Variants in ROBO2 observed in about 807,000 individuals in gnomAD.
ROBO2 encodes roundabout homolog 2.
ROBO2 carries 53 observed loss-of-function variants against 160.8 expected under a neutral mutation model. The observed-to-expected ratio is 0.33, with a 90% CI of 0.26 to 0.41. The LOEUF is 0.41. Ranked by LOEUF, ROBO2 falls within the 10% of genes least tolerant of loss-of-function variation. ROBO2 has a pLI of 1.00. For missense variants in ROBO2, 1,577 were observed against 1,722.4 expected, an observed-to-expected ratio of 0.92 and a Z score of 1.49; for synonymous variants, 664 against 611.7, an observed-to-expected ratio of 1.09 and a Z score of -1.26.
intron 2 of ROBO2, among the ~76,000 whole-genome samples, chr3:76,261,281 C>T (rs72630386): frequency 0.13 from 20,156 of 150,554 alleles, 2,121 homozygotes; most frequent in East Asian, 0.42. Context: ...TGGAAGAGAA[C>T]CTAGGGTACC....
At chr3:76,141,155 C>CTA (rs1204513972) in intron 2 of ROBO2, among the ~76,000 whole-genome samples, 172 of 24,972 alleles carry the variant, frequency 6.9e-3, no homozygotes, top group Non-Finnish European at 8.5e-3. Flanking sequence ...CTCTCTCTCT[C>CTA]TCTCTATATA....
chr3:77,096,456 T>C (rs1259526061), intron 1 of ROBO2, among the ~76,000 whole-genome samples: 1 of 151,684 alleles, frequency 6.6e-6, no homozygotes, highest in Non-Finnish European at 1.5e-5. Context: ...CTTTTTCTTT[T>C]TTTTTTTTTG....
At chr3:77,621,313 C>T (rs1405764490) in intron 22 of ROBO2, among the ~76,000 whole-genome samples, 1 of 152,070 alleles carries the variant, frequency 6.6e-6, no homozygotes, top group Non-Finnish European at 1.5e-5. Context: ...GTAATGCCAG[C>T]TACTTGGGAG....
chr3:76,849,531 A>C (rs553561379), intron 2 of ROBO2, among the ~76,000 whole-genome samples: 2 of 152,348 alleles, frequency 1.3e-5, no homozygotes, highest in East Asian at 3.9e-4. Flanking sequence ...TGATTCCAAC[A>C]TAAGCTATCT....
intron 2 of ROBO2, among the ~76,000 whole-genome samples, chr3:77,127,237 A>G (rs1217601627): frequency 6.6e-6 from 1 of 152,096 alleles, no homozygotes; most frequent in Non-Finnish European, 1.5e-5. Context: ...TTCAAATGTG[A>G]CAGTCCGGTG....
At chr3:76,651,996 G>A (rs1284490743) in intron 2 of ROBO2, among the ~76,000 whole-genome samples, 1 of 152,178 alleles carries the variant, frequency 6.6e-6, no homozygotes, top group Non-Finnish European at 1.5e-5. Flanking sequence ...AATGGAGGAT[G>A]TCGCTCCCTG....
chr3:77,267,073 C>T (rs2059170413), intron 2 of ROBO2, among the ~76,000 whole-genome samples: 1 of 152,098 alleles, frequency 6.6e-6, no homozygotes, highest in African/African-American at 2.4e-5. Flanking sequence ...TTCTCAGACT[C>T]ACAAAGCTTT....
chr3:76,761,481 G>A (rs2108377594), intron 2 of ROBO2, among the ~76,000 whole-genome samples: 2 of 151,798 alleles, frequency 1.3e-5, no homozygotes, highest in African/African-American at 4.8e-5. Context: ...TATATTATAT[G>A]ATTCTTTACC....
At chr3:77,078,678 A>G (rs1222707675) in intron 1 of ROBO2, among the ~76,000 whole-genome samples, 1 of 152,208 alleles carries the variant, frequency 6.6e-6, no homozygotes, top group Non-Finnish European at 1.5e-5. Flanking sequence ...TTCTAGTAGC[A>G]AATGTAAAAC....
chr3:77,361,797 T>C (rs1202668628), intron 2 of ROBO2, among the ~76,000 whole-genome samples: 1 of 152,154 alleles, frequency 6.6e-6, no homozygotes, highest in Non-Finnish European at 1.5e-5. Context: ...ATTCAGACTG[T>C]AGTATTATCT....
rs58555009 is a variant in ROBO2 at position 76,557,604 on chromosome 3, C to CTT, written c.110-540393_110-540392dup. On this transcript the variant is annotated intron_variant, in intron 2 of 26. Coordinates refer to the ROBO2 transcript ENST00000487694. The stretch of plus-strand genomic sequence containing the variant: ...TTATTTTTAAATTTATAAAGGGTGC[C>CTT]TTTTTTTTTTTTTTTTTTACTTTAA... 2.9e-3 allele frequency among the ~76,000 whole-genome samples: 382 copies of CTT among 130,350 alleles called. 1 individual carries two copies. The South Asian group carries it at 0.032, about 11-fold the overall frequency. 85.5% of individuals were successfully genotyped at this position (130,350 alleles called of 152,430 possible). A position where few individuals can be genotyped will look rare whatever the true frequency, so the allele number is the denominator to read the frequency against.
intron 2 of ROBO2, among the ~76,000 whole-genome samples, chr3:76,823,841 T>A (rs940393185): frequency 6.6e-6 from 1 of 152,156 alleles, no homozygotes; most frequent in South Asian, 2.1e-4. Context: ...ACATCTAAGT[T>A]GGATGGAGGC....
rs2067961911 is a variant in ROBO2, at chr3:76,058,904, G to C, written c.109+121302G>C. Among the ~76,000 whole-genome samples the C allele has an allele frequency of 6.1e-5, 9 of 148,568 alleles. No homozygotes were observed. In the South Asian group the frequency reaches 1.9e-3, roughly 32 times the overall value. On this transcript the variant is annotated intron_variant, in intron 2 of 26. Coordinates refer to the ROBO2 transcript ENST00000487694. Reference sequence around the variant, plus strand: ...TATGAGTGAGAACATGTGGTGTTTGGTTTTTTGTCTTTGCGATAGTTTGCT... The same window carrying C: ...TATGAGTGAGAACATGTGGTGTTTGCTTTTTTGTCTTTGCGATAGTTTGCT...
chr3:76,423,766 G>A (rs1488618504), intron 2 of ROBO2, among the ~76,000 whole-genome samples: 1 of 152,152 alleles, frequency 6.6e-6, no homozygotes, highest in Non-Finnish European at 1.5e-5. Context: ...ATTGAGAACT[G>A]GAGTTCATGG....
intron 2 of ROBO2, among the ~76,000 whole-genome samples, chr3:77,461,577 A>G (rs1449459662): frequency 6.6e-6 from 1 of 152,026 alleles, no homozygotes; most frequent in Admixed American, 6.6e-5. Flanking sequence ...TGTATATTCA[A>G]TCCATATGAA....
rs147610018 is a variant in ROBO2 at position 77,047,011 on chromosome 3, G to A, written c.61+6165G>A. The stretch of plus-strand genomic sequence containing the variant: ...TCTTGAGAACTCAGAGAAGGAATAG[G>A]TGATTTCCAGCTGGTACAATCTGGG... On this transcript the variant is annotated intron_variant, in intron 1 of 25. Transcript: ENST00000461745. Among the ~76,000 whole-genome samples, 172 of 152,268 alleles carry A rather than the reference G, an allele frequency of 1.1e-3. 1 individual carries two copies. The highest frequency in any genetic ancestry group is 3.9e-3 in the African/African-American group (162 of 41,552).
intron 2 of ROBO2, among the ~76,000 whole-genome samples, chr3:75,992,326 G>A (rs766768407): frequency 6.4e-4 from 97 of 152,114 alleles, no homozygotes; most frequent in Non-Finnish European, 1.2e-3. Flanking sequence ...TAGGGACTTG[G>A]TGCCCTGTAT....
intron 2 of ROBO2, among the ~76,000 whole-genome samples, chr3:77,404,745 G>T (rs1160591106): frequency 1.3e-5 from 2 of 152,126 alleles, no homozygotes; most frequent in African/African-American, 2.4e-5. Flanking sequence ...TGCTTTGCTT[G>T]TTATAATTAC....
chr3:77,203,800 A>T (rs576740962), intron 2 of ROBO2, among the ~76,000 whole-genome samples: 1 of 152,210 alleles, frequency 6.6e-6, no homozygotes, highest in Admixed American at 6.5e-5. Context: ...CTGCAACTCT[A>T]TGAGACAGGA....
Sources: gnomAD v4.1 joint callset for allele counts (sites outside exome capture counted in the v4.1 genomes callset) on GRCh38, gnomAD v4.1.1 for gene constraint, MANE v1.5 for transcripts, NCBI Gene and HGNC (gene_info 2026-07-23, HGNC 2026-07-21) for gene names.